Variants in BABAM2 observed in about 807,000 individuals in gnomAD.
BABAM2 encodes BRISC and BRCA1 A complex member 2.
Under a neutral mutation model 54.7 loss-of-function variants are expected in BABAM2, and 31 were observed. The observed-to-expected ratio is 0.57, with a 90% CI of 0.43 to 0.77. BABAM2 has a LOEUF of 0.77. Among genes scored for constraint, BABAM2 ranks in the 30% least tolerant of loss-of-function variants. The probability of loss-of-function intolerance (pLI) is 0.00; values close to 1 mark genes in which losing one functional copy is unlikely to be tolerated. For missense variants in BABAM2, 364 were observed against 455.8 expected (o/e 0.80, Z 1.83); for synonymous variants, 167 against 162.9 (o/e 1.03, Z -0.19).
chr2:28,189,755 CT>C (rs34387957), intron 7 of BABAM2, among the ~76,000 whole-genome samples: 10 of 146,830 alleles, frequency 6.8e-5, no homozygotes, highest in Admixed American at 1.4e-4. Flanking sequence ...TCTCAGCAGA[CT>C]TTTTTTTTTA....
intron 10 of BABAM2, among the ~76,000 whole-genome samples, chr2:28,252,999 T>C (rs1398144311): frequency 1.3e-5 from 2 of 152,222 alleles, no homozygotes; most frequent in Non-Finnish European, 1.5e-5. Context: ...GTATAACCTT[T>C]TCTTAGAATT....
chr2:27,969,947 G>A (rs951485446), intron 3 of BABAM2, among the ~76,000 whole-genome samples: 7 of 152,130 alleles, frequency 4.6e-5, no homozygotes, highest in African/African-American at 1.7e-4. Flanking sequence ...CTGGGTGGGA[G>A]GACGAAGGGA....
At chr2:28,046,323 G>A (rs755062436) in intron 6 of BABAM2, among the ~76,000 whole-genome samples, 2 of 152,148 alleles carry the variant, frequency 1.3e-5, no homozygotes, top group Non-Finnish European at 2.9e-5. Flanking sequence ...AGCCGGGCAT[G>A]GTGGCAGGCT....
intron 3 of BABAM2, among the ~76,000 whole-genome samples, chr2:27,958,752 A>G (rs1362542682): frequency 6.6e-6 from 1 of 152,134 alleles, no homozygotes; most frequent in Non-Finnish European, 1.5e-5. Flanking sequence ...AAAGACAGAC[A>G]GAGGCTTGGC....
chr2:28,205,710 G>A (rs1473063127), intron 7 of BABAM2, among the ~76,000 whole-genome samples: 1 of 152,060 alleles, frequency 6.6e-6, no homozygotes, highest in Non-Finnish European at 1.5e-5. Flanking sequence ...CTTCTGTAGA[G>A]TATGGAGTGA....
intron 4 of BABAM2, among the ~76,000 whole-genome samples, chr2:28,009,145 T>G (rs1048392345): frequency 6.6e-5 from 10 of 152,138 alleles, no homozygotes; most frequent in Non-Finnish European, 1.5e-4. Context: ...TTTTGCCTGC[T>G]ATGTGGGTGC....
At chr2:28,021,126 A>G (rs1675226177) in intron 4 of BABAM2, among the ~76,000 whole-genome samples, 1 of 152,182 alleles carries the variant, frequency 6.6e-6, no homozygotes, top group Non-Finnish European at 1.5e-5. Context: ...ATTTTTGCCC[A>G]ACTTTCTTCT....
intron 6 of BABAM2, among the ~76,000 whole-genome samples, chr2:28,118,324 T>C (rs1035605742): frequency 3.9e-5 from 6 of 152,252 alleles, no homozygotes; most frequent in Admixed American, 2.0e-4. Flanking sequence ...TGAACTAATT[T>C]ACATTCCCAT....
At chr2:27,951,619 A>C (rs141193427) in intron 3 of BABAM2, among the ~76,000 whole-genome samples, 1 of 152,200 alleles carries the variant, frequency 6.6e-6, no homozygotes, top group Non-Finnish European at 1.5e-5. Flanking sequence ...CATAATAGCA[A>C]TTAGGTCAAG....
chr2:28,256,112 C>A (rs1196042952), intron 10 of BABAM2, among the ~76,000 whole-genome samples: 1 of 152,054 alleles, frequency 6.6e-6, no homozygotes, highest in African/African-American at 2.4e-5. Context: ...AACCTGTTAT[C>A]AAATCTTTAA....
At chr2:27,973,562 G>A (rs1671376638) in intron 3 of BABAM2, among the ~76,000 whole-genome samples, 1 of 151,994 alleles carries the variant, frequency 6.6e-6, no homozygotes, top group South Asian at 2.1e-4. Flanking sequence ...CACAGTAATG[G>A]AAAGTATATA....
chr2:28,190,844 A>G (rs939260061), intron 7 of BABAM2, among the ~76,000 whole-genome samples: 3 of 152,262 alleles, frequency 2.0e-5, no homozygotes, highest in Non-Finnish European at 4.4e-5. Flanking sequence ...CATTCAAACT[A>G]TGACAAACAT....
At chr2:28,185,261 A>C (rs933312531) in intron 7 of BABAM2, among the ~76,000 whole-genome samples, 2 of 152,190 alleles carry the variant, frequency 1.3e-5, no homozygotes, top group African/African-American at 4.8e-5. Flanking sequence ...ATCTGCCTTC[A>C]GACAGCCGTA....
chr2:28,233,318 G>A (rs568833300), intron 7 of BABAM2: 39 of 469,476 alleles, frequency 8.3e-5, no homozygotes, highest in Admixed American at 2.4e-4. Flanking sequence ...CTGCAGTCCC[G>A]GGAATGTCTT....
At chr2:28,159,879 C>CG (rs1451469059) in intron 7 of BABAM2, among the ~76,000 whole-genome samples, 2 of 146,474 alleles carry the variant, frequency 1.4e-5, no homozygotes, top group Admixed American at 6.8e-5. Flanking sequence ...CCATCCCCGC[C>CG]GGGAAAAAAA....
chr2:28,250,180 G>C (rs1284933297), intron 10 of BABAM2, among the ~76,000 whole-genome samples: 15 of 152,104 alleles, frequency 9.9e-5, no homozygotes, highest in African/African-American at 3.1e-4. Flanking sequence ...GACCTTAGCA[G>C]TGATTCAGAC....
intron 6 of BABAM2, among the ~76,000 whole-genome samples, chr2:28,112,155 C>CTTCTT (rs1668141110): frequency 6.0e-5 from 1 of 16,596 alleles, no homozygotes; most frequent in Non-Finnish European, 1.2e-4. Context: ...CTTTACCTCC[C>CTTCTT]TCCCTCCCTC....
intron 2 of BABAM2, among the ~76,000 whole-genome samples, chr2:27,929,359 G>T (rs1033432185): frequency 6.6e-6 from 1 of 152,214 alleles, no homozygotes; most frequent in Non-Finnish European, 1.5e-5. Flanking sequence ...TCTAAAGGAA[G>T]CACTGAACCT....
At chr2:28,170,997 G>A (rs551369049) in intron 7 of BABAM2, among the ~76,000 whole-genome samples, 1 of 152,242 alleles carries the variant, frequency 6.6e-6, no homozygotes, top group African/African-American at 2.4e-5. Flanking sequence ...CTTCACAGAG[G>A]CAGTCAGTTA....
Sources: gnomAD v4.1 joint callset for allele counts (sites outside exome capture counted in the v4.1 genomes callset) on GRCh38, gnomAD v4.1.1 for gene constraint, MANE v1.5 for transcripts, NCBI Gene and HGNC (gene_info 2026-07-23, HGNC 2026-07-21) for gene names.